Variants in EGF observed in about 807,000 individuals in gnomAD.
EGF encodes the protein pro-epidermal growth factor.
In EGF, 95 loss-of-function variants were observed where a neutral mutation model predicts 143.8. The observed-to-expected ratio is 0.66, with a 90% CI of 0.56 to 0.78. The LOEUF (loss-of-function observed/expected upper bound fraction) is 0.78. Ranked by LOEUF, EGF falls within the 30% of genes least tolerant of loss-of-function variation. The pLI is 0.00. For missense variants in EGF, 1,320 were observed against 1,470.9 expected, an observed-to-expected ratio of 0.90 and a Z score of 1.68; for synonymous variants, 510 against 510.5, an observed-to-expected ratio of 1.00 and a Z score of 0.01.
intron 18 of EGF, chr4:109,992,386 C>T (rs1035977130): frequency 6.6e-6 from 1 of 151,980 alleles, no homozygotes; most frequent in Non-Finnish European, 1.5e-5. Context: ...TAGCATGGCC[C>T]CTGCGCAAGG....
intron 1 of EGF, among the ~76,000 whole-genome samples, chr4:109,934,391 C>T (rs1161612079): frequency 2.6e-5 from 4 of 152,136 alleles, no homozygotes; most frequent in African/African-American, 9.7e-5. Context: ...ATCCTTCGTC[C>T]ACTTTTTTAT....
At chr4:109,914,679 T>C (rs1736294072) in intron 1 of EGF, among the ~76,000 whole-genome samples, 1 of 152,202 alleles carries the variant, frequency 6.6e-6, no homozygotes, top group Admixed American at 6.5e-5. Flanking sequence ...CAAATTCTTG[T>C]GTATGAATGA....
chr4:109,958,958 T>C (rs1745240497), intron 5 of EGF, among the ~76,000 whole-genome samples: 1 of 151,774 alleles, frequency 6.6e-6, no homozygotes, highest in African/African-American at 2.4e-5. Context: ...GGTTTGAATC[T>C]GTTTTCATTT....
chr4:109,998,965 T>C (rs892770854), intron 20 of EGF, among the ~76,000 whole-genome samples: 9 of 152,242 alleles, frequency 5.9e-5, no homozygotes, highest in African/African-American at 1.9e-4. Flanking sequence ...TCCCAGTAGA[T>C]GGCAGCATTG....
intron 1 of EGF, among the ~76,000 whole-genome samples, chr4:109,922,226 G>C (rs1294185943): frequency 6.6e-6 from 1 of 151,622 alleles, no homozygotes; most frequent in Admixed American, 6.6e-5. Context: ...TTTTTTGGAA[G>C]ACAAATTTGA....
At position 109,969,090 on chromosome 4, in the gene EGF, T is replaced by C. The variant is rs1477790991; in HGVS notation, c.1695T>C (p.Ile565=). The C allele has an allele frequency of 6.2e-7, 1 of 1,614,134 alleles. No homozygotes were observed. Among genetic ancestry groups the C allele is most frequent in the East Asian group, 2.2e-5 (1 of 44,892 alleles). The change falls in exon 11 of 24, where the codon ATT becomes ATC. Residue 565 remains isoleucine, a synonymous_variant. Coordinates refer to ENST00000265171, the MANE Select transcript of EGF (RefSeq NM_001963.6). ...CAGAAGGTCTTGCTGTGGACTGGAT[T>C]GGCCGTAGATTCTATTGGACAGACA... ...DVPEGLAVDW[I]GRRFYWTDRG...
At chr4:109,965,967 C>T (rs1746492513) in intron 10 of EGF, among the ~76,000 whole-genome samples, 1 of 151,904 alleles carries the variant, frequency 6.6e-6, no homozygotes, top group African/African-American at 2.4e-5. Flanking sequence ...AGTTTATGTA[C>T]ACATGTGTAC....
intron 7 of EGF, 81 bp downstream of exon 7, chr4:109,961,070 G>A (rs1578266328): frequency 1.3e-6 from 2 of 1,508,914 alleles, no homozygotes; most frequent in Non-Finnish European, 1.8e-6. Context: ...ATCTGGGTTG[G>A]TGATCTTCAA....
At chr4:110,004,931 T>C (rs1396486177) in intron 22 of EGF, among the ~76,000 whole-genome samples, 2 of 152,096 alleles carry the variant, frequency 1.3e-5, no homozygotes, top group African/African-American at 4.8e-5. Flanking sequence ...GTGAAGGCTT[T>C]CCATATTTTT....
intron 1 of EGF, among the ~76,000 whole-genome samples, chr4:109,930,688 T>C (rs958214419): frequency 1.3e-5 from 2 of 152,180 alleles, no homozygotes; most frequent in African/African-American, 4.8e-5. Context: ...TAATGTCTCT[T>C]CTCACTTACC....
At chr4:109,997,324 A>T (rs1291848721) in intron 20 of EGF, among the ~76,000 whole-genome samples, 1 of 152,160 alleles carries the variant, frequency 6.6e-6, no homozygotes, top group Non-Finnish European at 1.5e-5. Flanking sequence ...TGTAGCCTCC[A>T]GCTGCGTAAC....
intron 21 of EGF, chr4:110,004,243 CACACACACAA>C: frequency 2.1e-6 from 1 of 479,180 alleles, no homozygotes; most frequent in Non-Finnish European, 3.8e-6. Flanking sequence ...CACACACACA[CACACACACAA>C]ACACACACAC....
At position 110,011,354 on chromosome 4, in the gene EGF, C is replaced by A. The variant is rs778566062; in HGVS notation, c.3523C>A (p.Leu1175Ile). 1.9e-5 allele frequency: 30 copies of A among 1,614,012 alleles called. No homozygotes were observed. The Admixed American group carries it at 4.0e-4, about 22-fold the overall frequency. Residue 1175 changes from leucine (L) to isoleucine (I), a missense_variant, in exon 24 of 24, where the codon CTT becomes ATT. By Grantham distance (5) the Leu-to-Ile change is conservative (BLOSUM62 2). Transcript: ENST00000265171. ...TATGCCCTCCTATGGGACACAGACCCTTGAAGGGGGTGTCGAGAAGCCCCA... is the reference window on the plus strand; with the variant it reads ...TATGCCCTCCTATGGGACACAGACCATTGAAGGGGGTGTCGAGAAGCCCCA... ...FHMPSYGTQT[L>I]EGGVEKPHSL...
chr4:109,963,039 T>C (rs1348976248), intron 8 of EGF, 134 bp from the exon 9 acceptor site: 2 of 1,073,332 alleles, frequency 1.9e-6, no homozygotes, highest in Non-Finnish European at 2.8e-6. Context: ...CACTCCAGCC[T>C]GGGTGAAAGA....
intron 14 of EGF, 87 bp downstream of exon 14, chr4:109,980,226 G>GA (rs11569012): frequency 1.4e-6 from 2 of 1,392,234 alleles, no homozygotes; most frequent in Non-Finnish European, 1.9e-6. Context: ...TGGCGGGGGG[G>GA]TGGAGGGGAT....
rs918748617 is a variant in EGF, at chr4:109,919,690, T to C, written c.127+6228T>C. Among the ~76,000 whole-genome samples, 6 of 148,976 alleles carry C rather than the reference T, an allele frequency of 4.0e-5. No individual in the cohort carries two copies. In the East Asian group the frequency reaches 9.6e-4, roughly 24 times the overall value. On this transcript the variant is annotated intron_variant, in intron 1 of 23. Coordinates refer to ENST00000265171, the MANE Select transcript of EGF (RefSeq NM_001963.6). ...CTTCCAGGAGCACTGTGGCCTCACA[T>C]TGGTGTGGCCAGAGATCAAGGAGAT...
intron 21 of EGF, among the ~76,000 whole-genome samples, chr4:110,003,775 G>C (rs981619566): frequency 6.6e-6 from 1 of 150,680 alleles, no homozygotes; most frequent in African/African-American, 2.4e-5. Flanking sequence ...TAAAAAACTG[G>C]ATTTGGAAGC....
intron 6 of EGF, 116 bp downstream of exon 6, chr4:109,959,553 A>G: frequency 6.6e-7 from 1 of 1,523,588 alleles, no homozygotes; most frequent in Non-Finnish European, 9.1e-7. Context: ...GTGGAAAACC[A>G]ACTTCAAGTC....
At chr4:109,944,144 C>T (rs2126009439) in intron 4 of EGF, 75 bp downstream of exon 4, 3 of 1,452,276 alleles carry the variant, frequency 2.1e-6, no homozygotes, top group East Asian at 2.4e-5. Flanking sequence ...TTACTTTTGT[C>T]AATGGAACTG....
Sources: gnomAD v4.1 joint callset for allele counts (sites outside exome capture counted in the v4.1 genomes callset) on GRCh38, gnomAD v4.1.1 for gene constraint, MANE v1.5 for transcripts, NCBI Gene and HGNC (gene_info 2026-07-23, HGNC 2026-07-21) for gene names.